RASA1: variants seen among roughly 807,000 people sequenced by gnomAD.
The protein encoded by RASA1 is RAS p21 protein activator 1.
Under a neutral mutation model 132.2 loss-of-function variants are expected in RASA1, and 25 were observed. The ratio of observed to expected loss-of-function variants is 0.19; its 90% CI spans 0.14 to 0.26. The LOEUF (loss-of-function observed/expected upper bound fraction) is 0.26, where lower values mean the gene tolerates loss of function less well. RASA1 is among the 10% of genes least tolerant of loss of function. The pLI is 1.00. For missense variants in RASA1, 964 were observed against 1,299.2 expected, an observed-to-expected ratio of 0.74 and a Z score of 3.97; for synonymous variants, 477 against 449.9, an observed-to-expected ratio of 1.06 and a Z score of -0.76.
intron 6 of RASA1, among the ~76,000 whole-genome samples, chr5:87,341,723 C>CT (rs3840123): frequency 0.13 from 19,483 of 151,066 alleles, 1,571 homozygotes; most frequent in South Asian, 0.26. Context: ...TCAGCAAGGT[C>CT]TTTTTTTTTC....
intron 1 of RASA1, among the ~76,000 whole-genome samples, chr5:87,300,148 T>C (rs1487263545): frequency 2.6e-5 from 4 of 151,994 alleles, no homozygotes; most frequent in Admixed American, 2.0e-4. Flanking sequence ...GGAGAGAGGA[T>C]TGCATGAGCC....
intron 6 of RASA1, among the ~76,000 whole-genome samples, chr5:87,343,751 C>T (rs1202333958): frequency 6.6e-6 from 1 of 152,126 alleles, no homozygotes; most frequent in African/African-American, 2.4e-5. Context: ...ATCAGTGTAT[C>T]AAAGAGACAG....
intron 1 of RASA1, among the ~76,000 whole-genome samples, chr5:87,285,608 TTTTC>T (rs1323745737): frequency 6.7e-6 from 1 of 150,024 alleles, no homozygotes; most frequent in African/African-American, 2.5e-5. Flanking sequence ...GTCAGTCTCT[TTTTC>T]TTTTTCTTTT....
chr5:87,331,970 C>A (rs918782225), intron 2 of RASA1, among the ~76,000 whole-genome samples: 2 of 151,566 alleles, frequency 1.3e-5, no homozygotes, highest in Admixed American at 1.3e-4. Context: ...ACATATTTAC[C>A]CATATTGTAT....
intron 1 of RASA1, among the ~76,000 whole-genome samples, chr5:87,292,668 C>T (rs955291638): frequency 6.6e-6 from 1 of 151,962 alleles, no homozygotes; most frequent in Non-Finnish European, 1.5e-5. Context: ...CTTTAGAATC[C>T]GTTTGTTGAT....
At position 87,374,330 on chromosome 5, in the gene RASA1, AT is replaced by A; in HGVS notation, c.1934+14del. ...AAGAGTTTGTCTTTGAGTAAGTCTTATTTTATCATTACATTAATCATTTTCT... is the reference window on the plus strand; with the variant it reads ...AAGAGTTTGTCTTTGAGTAAGTCTTATTTATCATTACATTAATCATTTTCT... On this transcript the variant is annotated intron_variant, in intron 14 of 24. Transcript: ENST00000274376. The A allele has an allele frequency of 1.3e-6, 2 of 1,595,996 alleles. No homozygotes were observed. The highest frequency in any genetic ancestry group is 1.7e-6 in the Non-Finnish European group (2 of 1,168,794).
intron 14 of RASA1, 137 bp downstream of exon 14, chr5:87,374,457 A>AT (rs1441691916): frequency 3.1e-4 from 76 of 244,004 alleles, no homozygotes; most frequent in East Asian, 1.1e-3. Context: ...ATATATATAT[A>AT]TATTTTTTTT....
chr5:87,273,341 C>A (rs1753928487), intron 1 of RASA1, among the ~76,000 whole-genome samples: 1 of 151,956 alleles, frequency 6.6e-6, no homozygotes, highest in African/African-American at 2.4e-5. Flanking sequence ...AAAATTCTTC[C>A]TCTCTATTTC....
Position 87,268,844 on chromosome 5 carries a change from C to G in RASA1, c.393C>G (p.Gly131=). The G allele has an allele frequency of 6.2e-7, 1 of 1,614,114 alleles. No individual in the cohort carries two copies. The highest frequency in any genetic ancestry group is 8.5e-7 in the Non-Finnish European group (1 of 1,180,030). The change falls in exon 1 of 25, where the codon GGC becomes GGG. Residue 131 remains glycine (G), a synonymous_variant. Transcript: ENST00000274376. ...TGCTTGCTGAGACTCTCGGGCCAGG[C>G]GGCGGTTTTCCCCCTCTGCCCCCTC... ...TSLLAETLGP[G]GGFPPLPPPP...
At chr5:87,321,778 G>GT (rs1168192405) in intron 1 of RASA1, among the ~76,000 whole-genome samples, 1 of 152,130 alleles carries the variant, frequency 6.6e-6, no homozygotes, top group Non-Finnish European at 1.5e-5. Context: ...AGTCCTTTTG[G>GT]TTTTTTATGG....
chr5:87,356,544 C>T (rs997411570), intron 9 of RASA1, among the ~76,000 whole-genome samples: 11 of 152,046 alleles, frequency 7.2e-5, no homozygotes, highest in African/African-American at 2.2e-4. Flanking sequence ...TGTACACCAC[C>T]GTGCCTAGCT....
intron 1 of RASA1, among the ~76,000 whole-genome samples, chr5:87,309,634 C>T (rs537338924): frequency 6.6e-6 from 1 of 152,160 alleles, no homozygotes; most frequent in East Asian, 1.9e-4. Context: ...TATGTGAGCA[C>T]ATGCACATCT....
At chr5:87,301,542 A>G (rs1383150623) in intron 1 of RASA1, among the ~76,000 whole-genome samples, 1 of 152,164 alleles carries the variant, frequency 6.6e-6, no homozygotes, top group Non-Finnish European at 1.5e-5. Flanking sequence ...AACTTCTTGT[A>G]TCCTAGATTA....
At chr5:87,343,027 A>T (rs1485623136) in intron 6 of RASA1, among the ~76,000 whole-genome samples, 1 of 152,140 alleles carries the variant, frequency 6.6e-6, no homozygotes, top group Non-Finnish European at 1.5e-5. Flanking sequence ...TAATTGGGGC[A>T]TAACTTAAAT....
At chr5:87,292,998 G>A (rs562538579) in intron 1 of RASA1, among the ~76,000 whole-genome samples, 90 of 152,158 alleles carry the variant, frequency 5.9e-4, no homozygotes, top group African/African-American at 2.1e-3. Flanking sequence ...AGTTCCATGA[G>A]GTTTTTTGTC....
At chr5:87,299,278 GTGT>G (rs1320035697) in intron 1 of RASA1, among the ~76,000 whole-genome samples, 3 of 152,144 alleles carry the variant, frequency 2.0e-5, no homozygotes, top group Admixed American at 2.0e-4. Flanking sequence ...TATCTACCTG[GTGT>G]TCACAGTGGG....
intron 1 of RASA1, among the ~76,000 whole-genome samples, chr5:87,286,035 C>T (rs1754545859): frequency 6.6e-6 from 1 of 152,020 alleles, no homozygotes; most frequent in Admixed American, 6.6e-5. Flanking sequence ...TGGAGTTTCG[C>T]TCTGTAGCCC....
chr5:87,383,824 T>TG, intron 21 of RASA1, 44 bp downstream of exon 21: 1 of 1,496,666 alleles, frequency 6.7e-7, no homozygotes, highest in Non-Finnish European at 9.3e-7. Flanking sequence ...ATATTAGAAT[T>TG]AACAGTTTCA....
chr5:87,355,924 A>G (rs1759615183), intron 9 of RASA1, among the ~76,000 whole-genome samples: 1 of 152,304 alleles, frequency 6.6e-6, no homozygotes, highest in South Asian at 2.1e-4. Flanking sequence ...CAGGAGAACT[A>G]AATTTGGAAG....
Sources: allele counts gnomAD v4.1 joint callset (sites outside exome capture counted in the v4.1 genomes callset), GRCh38; gene constraint gnomAD v4.1.1; transcripts MANE v1.5; gene names NCBI Gene and HGNC (gene_info 2026-07-23, HGNC 2026-07-21).